Variants in BPTF observed in about 807,000 individuals in gnomAD.
The protein encoded by BPTF is bromodomain PHD finger transcription factor.
Under a neutral mutation model 292.5 loss-of-function variants are expected in BPTF, and 18 were observed. The observed-to-expected ratio is 0.06, with a 90% CI of 0.04 to 0.09. The LOEUF (loss-of-function observed/expected upper bound fraction) is 0.09, where lower values mean the gene tolerates loss of function less well. BPTF is among the 10% of genes least tolerant of loss of function. The probability of loss-of-function intolerance (pLI) is 1.00; values close to 1 mark genes in which losing one functional copy is unlikely to be tolerated. For missense variants in BPTF, 2,726 were observed against 3,498.7 expected, an observed-to-expected ratio of 0.78 and a Z score of 5.57; for synonymous variants, 1,225 against 1,251.9, an observed-to-expected ratio of 0.98 and a Z score of 0.45.
chr17:67,945,132 C>T (rs1256703161), intron 20 of BPTF, among the ~76,000 whole-genome samples: 3 of 152,154 alleles, frequency 2.0e-5, no homozygotes, highest in East Asian at 1.9e-4. Flanking sequence ...AACTCCTGGA[C>T]GCAAGCAATC....
intron 7 of BPTF, among the ~76,000 whole-genome samples, chr17:67,899,542 T>C (rs1413876430): frequency 6.6e-6 from 1 of 151,606 alleles, no homozygotes; most frequent in Admixed American, 6.6e-5. Context: ...TCTTTTTTTT[T>C]TTTTTTTGAG....
rs149315626 is a variant in BPTF at position 67,906,143 on chromosome 17, G to A, written c.2812+1303G>A. 2.3e-3 allele frequency among the ~76,000 whole-genome samples: 350 copies of A among 152,018 alleles called. 3 individuals are homozygous for A. The highest frequency in any genetic ancestry group is 8.1e-3 in the African/African-American group (336 of 41,458). ...TGTCACCAGGCTGGAGTGCAGTGGC[G>A]TATCTGGCCTCACTGCAACCTCCGC... On this transcript the variant is annotated intron_variant, in intron 9 of 27. Coordinates refer to ENST00000306378, the MANE Select transcript of BPTF (RefSeq NM_182641.4).
rs752205440 is a variant in BPTF, at chr17:67,911,297, A to G, written c.3413A>G (p.Gln1138Arg). 2.5e-6 allele frequency: 4 copies of G among 1,614,036 alleles called. No individual in the cohort carries two copies. Among genetic ancestry groups the G allele is most frequent in the East Asian group, 2.2e-5 (1 of 44,874 alleles). ...AATGATCAACCTGAGGACTTGATTC[A>G]GGGATGTTCAGAAAGTGATTCCTCA... ...ANNDQPEDLIQGCSESDSSVL... is the reference protein window; with the variant it reads ...ANNDQPEDLIRGCSESDSSVL... The change falls in exon 11 of 28, where the codon CAG (glutamine) becomes CGG (arginine). Residue 1138 changes from glutamine to arginine, a missense_variant. This residue lies in a region of BPTF where 713 missense variants were observed against 714.9 expected (regional missense o/e 1.00). Transcript: ENST00000306378.
chr17:67,866,417 T>C (rs779385840), intron 2 of BPTF, 47 bp from the exon 3 acceptor site: 11 of 1,380,074 alleles, frequency 8.0e-6, no homozygotes, highest in Admixed American at 3.4e-5. Context: ...GTCAGATAAG[T>C]GGCATTATGT....
intron 1 of BPTF, among the ~76,000 whole-genome samples, chr17:67,853,214 G>A (rs932726442): frequency 6.6e-6 from 1 of 152,140 alleles, no homozygotes; most frequent in Non-Finnish European, 1.5e-5. Context: ...TGTATATCTG[G>A]ACATCACATC....
chr17:67,947,928 C>T (rs2065932974), intron 22 of BPTF, 120 bp downstream of exon 22: 1 of 1,228,582 alleles, frequency 8.1e-7, no homozygotes, highest in Non-Finnish European at 1.1e-6. Flanking sequence ...GAACACTTGG[C>T]ACTAATAGTT....
chr17:67,937,591 T>C lies in BPTF; in HGVS notation c.6260-2848T>C, dbSNP rs142465983. 2.6e-3 allele frequency among the ~76,000 whole-genome samples: 388 copies of C among 152,086 alleles called. 1 individual carries two copies. The highest frequency in any genetic ancestry group is 4.2e-3 in the Non-Finnish European group (286 of 67,982). ...TGCAGATATCTGAGGAAAGAGTCTTTTATGAAAAAGAAACAGCAAATGCAA... is the reference window on the plus strand; with the variant it reads ...TGCAGATATCTGAGGAAAGAGTCTTCTATGAAAAAGAAACAGCAAATGCAA... On this transcript the variant is annotated intron_variant, in intron 18 of 27. Transcript: ENST00000306378.
chr17:67,979,169 C>CAAAAA (rs11376410), intron 27 of BPTF, among the ~76,000 whole-genome samples: 3 of 72,556 alleles, frequency 4.1e-5, no homozygotes, highest in Admixed American at 2.0e-4. Flanking sequence ...GACCCTGTCT[C>CAAAAA]AAAAAAAAAA....
chr17:67,928,461 C>T lies in BPTF; in HGVS notation c.5858C>T (p.Pro1953Leu). ...ISPAQKVMVA[P>L]ISGSVTTGTK... is the part of the protein sequence containing the mutation. ...CCAGCACAGAAGGTTATGGTGGCCCCCATAAGTGGCTCAGTTACAACTGGA... is the reference window on the plus strand; with the variant it reads ...CCAGCACAGAAGGTTATGGTGGCCCTCATAAGTGGCTCAGTTACAACTGGA... Residue 1953 changes from proline to leucine, a missense_variant, in exon 16 of 28, where the codon CCC becomes CTC. Coordinates refer to ENST00000306378, the MANE Select transcript of BPTF (RefSeq NM_182641.4). 1.9e-6 allele frequency: 3 copies of T among 1,614,120 alleles called. No homozygotes were observed. Among genetic ancestry groups the T allele is most frequent in the Non-Finnish European group, 1.7e-6 (2 of 1,180,022 alleles).
chr17:67,854,795 A>C lies in BPTF; in HGVS notation c.1436+33A>C. The C allele has an allele frequency of 1.3e-6, 2 of 1,502,264 alleles. No homozygotes were observed. Among genetic ancestry groups the C allele is most frequent in the East Asian group, 4.6e-5 (2 of 43,954 alleles). 93.1% of individuals were successfully genotyped at this position (1,502,264 alleles called of 1,614,324 possible). ...AATCTGGTCTTAATTTTTTGTATGC[A>C]TTTAAAATTAGACTAGTTTCCTTCG... On this transcript the variant is annotated intron_variant, in intron 2 of 27. Coordinates refer to ENST00000306378, the MANE Select transcript of BPTF (RefSeq NM_182641.4). The surrounding 1 kb of genome is among the most constrained non-coding windows in gnomAD (Gnocchi z 5.6).
intron 18 of BPTF, among the ~76,000 whole-genome samples, chr17:67,932,236 A>G (rs1002251149): frequency 6.6e-6 from 1 of 152,284 alleles, no homozygotes; most frequent in Admixed American, 6.5e-5. Context: ...AAAATGTAAC[A>G]GAAATCACTA....
intron 26 of BPTF, among the ~76,000 whole-genome samples, chr17:67,973,070 A>G (rs2068967953): frequency 6.9e-6 from 1 of 144,754 alleles, no homozygotes; most frequent in African/African-American, 2.5e-5. Flanking sequence ...ATATATAAAT[A>G]TATATATAAT....
intron 1 of BPTF, among the ~76,000 whole-genome samples, chr17:67,830,091 T>A (rs1335452076): frequency 2.0e-5 from 3 of 152,234 alleles, no homozygotes; most frequent in Non-Finnish European, 4.4e-5. Flanking sequence ...AGCCTATAGG[T>A]TTTATGACAT....
rs1361846006 is a variant in BPTF at position 67,946,264 on chromosome 17, T to C, written c.7556T>C (p.Ile2519Thr). The C allele has an allele frequency of 1.2e-6, 2 of 1,614,014 alleles. No homozygotes were observed. Among genetic ancestry groups the C allele is most frequent in the Non-Finnish European group, 1.7e-6 (2 of 1,180,022 alleles). The part of the protein sequence containing the change: ...DQQQKKKQQQ[I>T]EIKREHTLQA... ...CAGCAAAAGAAGAAACAGCAACAGATAGAAATTAAGCGTGAACACACCCTC... is the reference window on the plus strand; with the variant it reads ...CAGCAAAAGAAGAAACAGCAACAGACAGAAATTAAGCGTGAACACACCCTC... Residue 2519 changes from isoleucine to threonine, a missense_variant, in exon 21 of 28, where the codon ATA (isoleucine) becomes ACA (threonine). Transcript: ENST00000306378.
chr17:67,875,107 A>C, intron 4 of BPTF, 87 bp downstream of exon 4: 1 of 1,123,650 alleles, frequency 8.9e-7, no homozygotes, highest in South Asian at 1.5e-5. Context: ...AAAGTGAAAT[A>C]TTGCAAGCAG....
At chr17:67,936,284 T>C (rs988933245) in intron 18 of BPTF, among the ~76,000 whole-genome samples, 3 of 152,220 alleles carry the variant, frequency 2.0e-5, no homozygotes, top group Non-Finnish European at 4.4e-5. Context: ...AGATGGATTA[T>C]TTCAGTTAAT....
chr17:67,902,376 C>T (rs570737861), intron 7 of BPTF, among the ~76,000 whole-genome samples: 2 of 152,298 alleles, frequency 1.3e-5, no homozygotes, highest in African/African-American at 4.8e-5. Flanking sequence ...CCTACACAGT[C>T]CTCCTGGCAT....
intron 23 of BPTF, chr17:67,955,277 CAAAAAAAAAAAAAAA>C (rs60507268): frequency 6.7e-5 from 8 of 119,498 alleles, no homozygotes; most frequent in Non-Finnish European, 8.6e-5. Context: ...GACTCTGTCT[CAAAAAAAAAAAAAAA>C]AAAAAAAAAA....
intron 9 of BPTF, among the ~76,000 whole-genome samples, chr17:67,908,514 A>C (rs1181546277): frequency 9.7e-6 from 1 of 102,696 alleles, no homozygotes; most frequent in African/African-American, 3.7e-5. Context: ...TTTTTTTGAG[A>C]TGGAGTCTCA....
Sources: allele counts gnomAD v4.1 joint callset (sites outside exome capture counted in the v4.1 genomes callset), GRCh38; gene constraint gnomAD v4.1.1; regional missense constraint gnomAD v4.1.1; non-coding constraint Gnocchi (gnomAD v3.1); transcripts MANE v1.5; gene names NCBI Gene and HGNC (gene_info 2026-07-23, HGNC 2026-07-21).